The following DMD variants were observed in gnomAD, a reference collection of about 807,000 sequenced individuals.
DMD encodes mutant dystrophin.
Under a neutral mutation model 330.1 loss-of-function variants are expected in DMD, and 63 were observed. The observed-to-expected ratio is 0.19, with a 90% confidence interval of 0.16 to 0.24. The LOEUF (loss-of-function observed/expected upper bound fraction) is 0.24, where lower values mean the gene tolerates loss of function less well. DMD is among the 10% of genes least tolerant of loss of function. DMD has a pLI of 1.00. For missense variants in DMD, 3,344 were observed against 2,684.1 expected (o/e 1.25, Z -5.43); for synonymous variants, 1,223 against 959.8 (o/e 1.27, Z -5.07).
intron 9 of DMD, among the ~76,000 whole-genome samples, chrX:32,668,661 A>T (rs1258289494): frequency 9.0e-6 from 1 of 111,479 alleles, no homozygotes; most frequent in Non-Finnish European, 1.9e-5. Context: ...ATCATGTTTT[A>T]TAAAATCAAA....
intron 55 of DMD, among the ~76,000 whole-genome samples, chrX:31,599,079 A>G (rs1356118811): frequency 8.9e-6 from 1 of 112,015 alleles, no homozygotes; most frequent in East Asian, 2.8e-4. Flanking sequence ...ATCACCAGAT[A>G]TACTTAGGAA....
At chrX:32,171,241 T>G (rs1044458535) in intron 44 of DMD, among the ~76,000 whole-genome samples, 1 of 111,902 alleles carries the variant, frequency 8.9e-6, no homozygotes, top group Non-Finnish European at 1.9e-5. Context: ...TATGATGCCT[T>G]ATATACTAAA....
intron 1 of DMD, among the ~76,000 whole-genome samples, chrX:33,035,503 T>C (rs1457705238): frequency 1.8e-5 from 2 of 112,096 alleles, no homozygotes; most frequent in African/African-American, 3.2e-5. Flanking sequence ...ACCCATTATA[T>C]TGCAATGCCC....
intron 41 of DMD, among the ~76,000 whole-genome samples, chrX:32,331,350 T>C (rs1369359470): frequency 8.9e-6 from 1 of 111,874 alleles, no homozygotes; most frequent in Non-Finnish European, 1.9e-5. Flanking sequence ...CTAACTTTAG[T>C]GAACCAAGTT....
intron 12 of DMD, among the ~76,000 whole-genome samples, chrX:32,599,091 C>CT (rs1435863941): frequency 8.9e-6 from 1 of 112,131 alleles, no homozygotes. Flanking sequence ...GTTAAACTGA[C>CT]TTTTTTGAGC....
At chrX:32,378,434 C>A (rs1603632056) in intron 34 of DMD, among the ~76,000 whole-genome samples, 3 of 109,415 alleles carry the variant, frequency 2.7e-5, no homozygotes, top group South Asian at 7.5e-4. Flanking sequence ...AATTAAGATA[C>A]TTTAAGATAA....
chrX:32,365,279 G>A, intron 34 of DMD, 80 bp from the exon 35 acceptor site: 1 of 988,656 alleles, frequency 1.0e-6, no homozygotes, highest in Non-Finnish European at 1.4e-6. Flanking sequence ...CTTTCTGTAT[G>A]GTTACTATGA....
chrX:31,692,077 C>T (rs1010777031), intron 52 of DMD, among the ~76,000 whole-genome samples: 32 of 111,161 alleles, frequency 2.9e-4, no homozygotes, highest in African/African-American at 9.1e-4. Flanking sequence ...TCTTTTCTGA[C>T]CACAATATAA....
At chrX:32,430,463 A>G in intron 29 of DMD, among the ~76,000 whole-genome samples, 1 of 111,723 alleles carries the variant, frequency 9.0e-6, no homozygotes, top group East Asian at 2.8e-4. Flanking sequence ...CTGAGTTTGG[A>G]GATAAATATA....
At position 32,524,512 on chromosome X, in the gene DMD, T is replaced by A. The variant is rs1042652446; in HGVS notation, c.2169-6381A>T. On this transcript the variant is annotated intron_variant, in intron 17 of 78. Coordinates refer to ENST00000357033, the MANE Select transcript of DMD (RefSeq NM_004006.3). ...GGGGCTCAGCTCACACTGGTCTTTTTAAGAGGATAATCAAAAAACACCTTC... is the reference window on the plus strand; with the variant it reads ...GGGGCTCAGCTCACACTGGTCTTTTAAAGAGGATAATCAAAAAACACCTTC... 4.5e-5 allele frequency among the ~76,000 whole-genome samples: 5 copies of A among 112,105 alleles called. No individual in the cohort carries two copies. In the South Asian group the frequency reaches 1.1e-3, roughly 25 times the overall value.
At chrX:32,745,877 T>C (rs962431368) in intron 7 of DMD, among the ~76,000 whole-genome samples, 3 of 111,958 alleles carry the variant, frequency 2.7e-5, no homozygotes, top group Non-Finnish European at 5.6e-5. Context: ...AGCTGCAAAA[T>C]TCTGTATTTT....
At chrX:32,557,231 T>A (rs1191400216) in intron 16 of DMD, among the ~76,000 whole-genome samples, 2 of 111,814 alleles carry the variant, frequency 1.8e-5, no homozygotes, top group African/African-American at 6.5e-5. Context: ...CCAACTCTTA[T>A]CAGCTATGCT....
At chrX:32,473,445 C>T (rs1246948686) in intron 21 of DMD, among the ~76,000 whole-genome samples, 1 of 111,524 alleles carries the variant, frequency 9.0e-6, no homozygotes, top group African/African-American at 3.3e-5. Flanking sequence ...CATGAAATCA[C>T]ACTGCAAAGT....
At chrX:33,172,413 C>A (rs2049401223) in intron 1 of DMD, among the ~76,000 whole-genome samples, 1 of 111,627 alleles carries the variant, frequency 9.0e-6, no homozygotes, top group African/African-American at 3.3e-5. Flanking sequence ...CTTTCCATTT[C>A]CACCAATGGA....
At chrX:32,753,885 T>C (rs900096263) in intron 7 of DMD, among the ~76,000 whole-genome samples, 2 of 111,523 alleles carry the variant, frequency 1.8e-5, no homozygotes, top group Non-Finnish European at 3.8e-5. Flanking sequence ...TAACAAGCCA[T>C]TGAAAATAAA....
intron 7 of DMD, among the ~76,000 whole-genome samples, chrX:32,725,667 G>A (rs1041626928): frequency 1.8e-5 from 2 of 111,227 alleles, no homozygotes; most frequent in Non-Finnish European, 3.8e-5. Flanking sequence ...AAGAGAGAGA[G>A]AGATCTCAAC....
chrX:31,875,636 C>T (rs748748592), intron 47 of DMD, among the ~76,000 whole-genome samples: 1 of 111,916 alleles, frequency 8.9e-6, no homozygotes, highest in East Asian at 2.8e-4. Flanking sequence ...AAACACACAC[C>T]TTACACAAAG....
intron 47 of DMD, among the ~76,000 whole-genome samples, chrX:31,924,077 C>G (rs2094732795): frequency 8.9e-6 from 1 of 111,809 alleles, no homozygotes; most frequent in South Asian, 3.7e-4. Context: ...TATTATACTT[C>G]CTACTATATA....
At chrX:31,951,147 A>G (rs1351163151) in intron 45 of DMD, among the ~76,000 whole-genome samples, 36 of 74,448 alleles carry the variant, frequency 4.8e-4, no homozygotes, top group African/African-American at 1.8e-3. Flanking sequence ...ATATGTGTAT[A>G]TATATATATA....
Sources: allele counts gnomAD v4.1 joint callset (sites outside exome capture counted in the v4.1 genomes callset), GRCh38; gene constraint gnomAD v4.1.1; transcripts MANE v1.5; gene names NCBI Gene and HGNC (gene_info 2026-07-23, HGNC 2026-07-21).